The following MROH6 variants were observed in gnomAD, a reference collection of about 807,000 sequenced individuals.
MROH6 encodes maestro heat like repeat family member 6.
Under a neutral mutation model 67.7 loss-of-function variants are expected in MROH6, and 62 were observed. The ratio of observed to expected loss-of-function variants is 0.92; its 90% CI spans 0.75 to 1.13. The LOEUF (loss-of-function observed/expected upper bound fraction) is 1.13, where lower values mean the gene tolerates loss of function less well. MROH6 is among the 50% of genes most tolerant of loss of function. The probability of loss-of-function intolerance (pLI) is 0.00; values close to 1 mark genes in which losing one functional copy is unlikely to be tolerated. For missense variants in MROH6, 1,175 were observed against 1,029.1 expected, an observed-to-expected ratio of 1.14 and a Z score of -1.94; for synonymous variants, 566 against 470.8, an observed-to-expected ratio of 1.20 and a Z score of -2.62.
rs549700323 is a variant in MROH6 at position 143,572,284 on chromosome 8, C to T, written c.295-99G>A. On this transcript the variant is annotated intron_variant, in intron 1 of 13. Coordinates refer to ENST00000398882, the MANE Select transcript of MROH6 (RefSeq NM_001100878.2). ...ACCTGGCTTCCTACAAAATCCCTTG[C>T]TCCTCTGTTGCTCACCAGCCTGTTT... The T allele has an allele frequency of 3.2e-6, 5 of 1,543,696 alleles. No homozygotes were observed. The South Asian group carries it at 5.0e-5, about 15-fold the overall frequency.
In MROH6 at chr8:143,567,856, G is replaced by A; in HGVS notation, c.1797C>T (p.Phe599=). 1.3e-6 allele frequency: 2 copies of A among 1,530,122 alleles called. No homozygotes were observed. The highest frequency in any genetic ancestry group is 8.8e-7 in the Non-Finnish European group (1 of 1,140,846). 94.8% of individuals were successfully genotyped at this position (1,530,122 alleles called of 1,614,324 possible). ...VQRYPGHVPN[F]LSQTQGYLRS... Reference sequence around the variant, plus strand: ...GCAGGTAGCCCTGGGTCTGGCTCAGGAAGTTGGGCACGTGGCCTGGGTATC... The same window carrying A: ...GCAGGTAGCCCTGGGTCTGGCTCAGAAAGTTGGGCACGTGGCCTGGGTATC... Residue 599 remains phenylalanine, a synonymous_variant, in exon 12 of 14, where the codon TTC becomes TTT. Transcript: ENST00000398882.
At position 143,570,642 on chromosome 8, in the gene MROH6, C is replaced by A; in HGVS notation, c.736G>T (p.Gly246Trp). 1 of 1,597,214 alleles carries A rather than the reference C, an allele frequency of 6.3e-7. No individual in the cohort carries two copies. Among genetic ancestry groups the A allele is most frequent in the South Asian group, 1.1e-5 (1 of 90,702 alleles). ...CAGCCCGAAACAGCCAGCATCTCCCCAAGAGCACGTGTGGCCTGTGGAGCA... is the reference window on the plus strand; with the variant it reads ...CAGCCCGAAACAGCCAGCATCTCCCAAAGAGCACGTGTGGCCTGTGGAGCA... ...PQALAATRAL[G>W]EMLAVSGCVG... Residue 246 changes from glycine (G) to tryptophan (W), a missense_variant, in exon 5 of 14, where the codon GGG becomes TGG. Transcript: ENST00000398882.
chr8:143,567,987 C>T, intron 11 of MROH6, 99 bp from the exon 12 acceptor site: 2 of 1,439,730 alleles, frequency 1.4e-6, no homozygotes, highest in Non-Finnish European at 1.9e-6. Context: ...AGGGGAGCCC[C>T]CAGGGCAGGT....
rs551139176 is a variant in MROH6 at position 143,567,105 on chromosome 8, G to A, written c.*134C>T. 41 of 416,992 alleles carry A rather than the reference G, an allele frequency of 9.8e-5. No individual in the cohort carries two copies. The South Asian group carries it at 1.5e-3, about 16-fold the overall frequency. The allele number at this position is 416,992 out of a possible 1,614,324, so 25.8% of individuals were successfully genotyped here. ...TGGTGGGTGCCTGAAGAGGGGTCAC[G>A]GGGGTGGGGGGTGGGGGAGGGCATT... On this transcript the variant is annotated 3_prime_UTR_variant, in exon 14 of 14. Transcript: ENST00000398882.
intron 9 of MROH6, chr8:143,568,930 G>C (rs1176871719): frequency 8.4e-6 from 4 of 473,502 alleles, no homozygotes; most frequent in Non-Finnish European, 1.5e-5. Context: ...GATGGGGTCC[G>C]GAAGGAAAAG....
At chr8:143,570,221 G>A (rs772110279) in intron 6 of MROH6, 22 bp downstream of exon 6, 2 of 1,197,458 alleles carry the variant, frequency 1.7e-6, no homozygotes, top group Admixed American at 2.0e-5. Flanking sequence ...GACACCCTGG[G>A]GCCCCTCCTC....
chr8:143,568,996 A>T, intron 9 of MROH6: 1 of 220,038 alleles, frequency 4.5e-6, no homozygotes, highest in Non-Finnish European at 7.7e-6. Flanking sequence ...GCTGGGCGAC[A>T]GCAGGCGGGA....
Position 143,569,569 on chromosome 8 carries a change from C to A in MROH6, c.1348G>T (p.Gly450Cys), listed in dbSNP as rs765551793. Residue 450 changes from glycine (G) to cysteine (C), a missense_variant, in exon 9 of 14, where the codon GGC becomes TGC. Gly to Cys is a radical substitution (Grantham distance 159). Transcript: ENST00000398882. ...CCCACGAGCCGCGCGTCGCCTTCGC[C>A]CAGTGCGCCCAGGAGCGCCGGCAGC... ...TLLPALLGAL[G>C]EGDARLVGAA... The A allele has an allele frequency of 3.9e-5, 60 of 1,556,704 alleles. 1 individual carries two copies. The highest frequency in any genetic ancestry group is 5.1e-5 in the Non-Finnish European group (59 of 1,157,304).
chr8:143,571,907 C>T (rs1824068620), intron 2 of MROH6, 86 bp from the exon 3 acceptor site: 2 of 1,491,456 alleles, frequency 1.3e-6, no homozygotes, highest in South Asian at 1.3e-5. Flanking sequence ...CCACCCCCAC[C>T]CTGATCCCGC....
chr8:143,570,151 C>T, intron 6 of MROH6, 86 bp from the exon 7 acceptor site: 1 of 1,564,082 alleles, frequency 6.4e-7, no homozygotes, highest in Non-Finnish European at 8.6e-7. Flanking sequence ...CCCTCATGCC[C>T]CTGCCTTTTC....
Position 143,570,526 on chromosome 8 carries a change from G to A in MROH6, c.852C>T (p.Asp284=), listed in dbSNP as rs750187223. Residue 284 remains aspartate (D), a synonymous_variant, in exon 5 of 14, where the codon GAC becomes GAT. Coordinates refer to ENST00000398882, the MANE Select transcript of MROH6 (RefSeq NM_001100878.2). ...HKLARSPCSP[D]MPKIWVLSHR... Reference sequence around the variant, plus strand: ...GGGACAGAACCCAAATCTTGGGCATGTCGGGGGAGCACGGGCTGCGGGCCA... The same window carrying A: ...GGGACAGAACCCAAATCTTGGGCATATCGGGGGAGCACGGGCTGCGGGCCA... The A allele has an allele frequency of 1.4e-5, 23 of 1,612,328 alleles. No homozygotes were observed. In the South Asian group the frequency reaches 2.4e-4, roughly 17 times the overall value.
rs571040613 is a variant in MROH6 at position 143,566,289 on chromosome 8, G to C, written c.*950C>G. ...GCCTGTGCCTGAGGGGCCCCAGTCTGGGCAAGTGGTCCCAGCCCTTCACAA... is the reference window on the plus strand; with the variant it reads ...GCCTGTGCCTGAGGGGCCCCAGTCTCGGCAAGTGGTCCCAGCCCTTCACAA... On this transcript the variant is annotated 3_prime_UTR_variant, in exon 14 of 14. Transcript: ENST00000398882. 1 of 152,354 alleles carries C rather than the reference G, an allele frequency of 6.6e-6. No individual in the cohort carries two copies. Among genetic ancestry groups the C allele is most frequent in the Non-Finnish European group, 1.5e-5 (1 of 68,058 alleles). 9.4% of individuals were successfully genotyped at this position (152,354 alleles called of 1,614,324 possible).
At position 143,569,805 on chromosome 8, in the gene MROH6, CCG is replaced by C. The variant is rs780621075; in HGVS notation, c.1192_1193del (p.Arg398GlyfsTer143). On this transcript the variant is annotated frameshift_variant, in exon 8 of 14. Coordinates refer to ENST00000398882, the MANE Select transcript of MROH6 (RefSeq NM_001100878.2). LOFTEE classifies it high-confidence loss of function. Reference protein sequence around the residue: ...LQSRPTARLLREEVILERLLT... With the variant: ...LQSRPTARLLXEEVILERLLT... ...GGAGTCGCTCCAGGATGACCTCCTCCCGCAGGAGCCGTGCGGTGGGCCGGCTC... is the reference window on the plus strand; with the variant it reads ...GGAGTCGCTCCAGGATGACCTCCTCCCAGGAGCCGTGCGGTGGGCCGGCTC... The C allele has an allele frequency of 1.2e-6, 2 of 1,611,784 alleles. No individual in the cohort carries two copies. The highest frequency in any genetic ancestry group is 4.5e-5 in the East Asian group (2 of 44,838).
chr8:143,569,798 C>T lies in MROH6; in HGVS notation c.1201G>A (p.Val401Ile), dbSNP rs368353780. The change falls in exon 8 of 14, where the codon GTC becomes ATC. Residue 401 changes from valine to isoleucine, a missense_variant. By Grantham distance (29) the Val-to-Ile change is conservative (BLOSUM62 3). Coordinates refer to ENST00000398882, the MANE Select transcript of MROH6 (RefSeq NM_001100878.2). ...RPTARLLREE[V>I]ILERLLTWQG... Reference sequence around the variant, plus strand: ...CAGGTGAGGAGTCGCTCCAGGATGACCTCCTCCCGCAGGAGCCGTGCGGTG... The same window carrying T: ...CAGGTGAGGAGTCGCTCCAGGATGATCTCCTCCCGCAGGAGCCGTGCGGTG... 1.2e-6 allele frequency: 2 copies of T among 1,612,050 alleles called. No individual in the cohort carries two copies. Among genetic ancestry groups the T allele is most frequent in the Non-Finnish European group, 1.7e-6 (2 of 1,179,478 alleles).
Position 143,568,679 on chromosome 8 carries a change from C to G in MROH6, c.1517G>C (p.Gly506Ala). The G allele has an allele frequency of 6.6e-7, 1 of 1,520,260 alleles. No individual in the cohort carries two copies. The highest frequency in any genetic ancestry group is 8.8e-7 in the Non-Finnish European group (1 of 1,138,818). The allele number at this position is 1,520,260 out of a possible 1,614,324, so 94.2% of individuals were successfully genotyped here. ...SIRASAVGLL[G>A]TLVRRGRGGL... ...GCCCCGGCCCCGGCGCACCAGAGTC[C>G]CAAGGAGCCCGACGGCCGAGGCGCG... The change falls in exon 10 of 14, where the codon GGG becomes GCG. Residue 506 changes from glycine (G) to alanine (A), a missense_variant. Physicochemically the swap from Gly to Ala is moderately conservative, Grantham distance 60. Transcript: ENST00000398882.
Position 143,567,250 on chromosome 8 carries a change from G to T in MROH6, c.2149C>A (p.Arg717Ser). 8.2e-7 allele frequency: 1 copy of T among 1,221,782 alleles called. No individual in the cohort carries two copies. Among genetic ancestry groups the T allele is most frequent in the Admixed American group, 4.3e-5 (1 of 23,378 alleles). 75.7% of individuals were successfully genotyped at this position (1,221,782 alleles called of 1,614,324 possible). A position where few individuals can be genotyped will look rare whatever the true frequency, so the allele number is the denominator to read the frequency against. ...CCCAGCCCCGAGCCTCAGGCTCGGC[G>T]GGGTCCGGAGCAGCCCCAGCGGCCC... is the stretch of plus-strand genomic sequence containing the variant. ...VAGRWGCSGP[R>S]RA Residue 717 changes from arginine (R) to serine (S), a missense_variant, in exon 14 of 14, where the codon CGC becomes AGC. Arg to Ser is a moderately radical substitution (Grantham distance 110). Transcript: ENST00000398882.
intron 12 of MROH6, 49 bp from the exon 13 acceptor site, chr8:143,567,725 G>A: frequency 6.4e-7 from 1 of 1,573,064 alleles, no homozygotes; most frequent in South Asian, 1.2e-5. Flanking sequence ...CCCCCAGGGG[G>A]AGGCTGGCCC....
rs913938650 is a variant in MROH6 at position 143,570,212 on chromosome 8, A to G, written c.1043+31T>C. The G allele has an allele frequency of 7.3e-6, 10 of 1,372,390 alleles. No homozygotes were observed. In the African/African-American group the frequency reaches 1.3e-4, roughly 18 times the overall value. 85.0% of individuals were successfully genotyped at this position (1,372,390 alleles called of 1,614,324 possible). On this transcript the variant is annotated intron_variant, in intron 6 of 13. Transcript: ENST00000398882. ...CAGCAACGACTCTCTTCCTGGTGTG[A>G]CACCCTGGGGCCCCTCCTCACCCTC...
Position 143,571,839 on chromosome 8 carries a change from A to C in MROH6, c.448-18T>G. The C allele has an allele frequency of 2.0e-6, 3 of 1,533,494 alleles. No individual in the cohort carries two copies. Among genetic ancestry groups the C allele is most frequent in the African/African-American group, 1.4e-5 (1 of 72,824 alleles). The allele number at this position is 1,533,494 out of a possible 1,614,324, so 95.0% of individuals were successfully genotyped here. A position where few individuals can be genotyped will look rare whatever the true frequency, so the allele number is the denominator to read the frequency against. ...GCATGCACCTGGTGGGGAAGGGGGC[A>C]GACTTCAGCAGTCAGGCCTCCTCCA... On this transcript the variant is annotated intron_variant, in intron 2 of 13. Transcript: ENST00000398882.
Sources: gnomAD v4.1 joint callset for allele counts on GRCh38, gnomAD v4.1.1 for gene constraint, MANE v1.5 for transcripts, NCBI Gene and HGNC (gene_info 2026-07-23, HGNC 2026-07-21) for gene names.